RAB40B: variants seen among roughly 807,000 people sequenced by gnomAD.
RAB40B encodes RAB40B, member RAS oncogene family.
A neutral mutation model predicts 24.0 loss-of-function variants in RAB40B; 21 were observed. The ratio of observed to expected loss-of-function variants is 0.88; its 90% CI spans 0.62 to 1.26. RAB40B has a LOEUF of 1.26. Ranked by LOEUF, RAB40B falls within the 50% of genes most tolerant of loss-of-function variation. RAB40B has a pLI of 0.00. For missense variants in RAB40B, 348 were observed against 390.5 expected (o/e 0.89, Z 0.92); for synonymous variants, 167 against 169.8 (o/e 0.98, Z 0.13).
In RAB40B at chr17:82,656,286, G is replaced by A. The variant is rs909653119; in HGVS notation, c.*1577C>T. ...CTAAGAATCTACAGATCATCAGCAG[G>A]AACTAGGAACATCTGGGTATTTTCT... is the stretch of plus-strand genomic sequence containing the variant. On this transcript the variant is annotated 3_prime_UTR_variant, in exon 6 of 6. Transcript: ENST00000571995. The A allele has an allele frequency of 1.3e-5, 2 of 152,086 alleles. No individual in the cohort carries two copies. Among genetic ancestry groups the A allele is most frequent in the Admixed American group, 1.3e-4 (2 of 15,246 alleles). 9.4% of individuals were successfully genotyped at this position (152,086 alleles called of 1,614,324 possible). A position where few individuals can be genotyped will look rare whatever the true frequency, so the allele number is the denominator to read the frequency against.
In RAB40B at chr17:82,698,447, G is replaced by A. The variant is rs765210724; in HGVS notation, c.142+8C>T. ...CCGCACCCCGGCACGCCCTCCGCCCGCGCTCACCCGCCGGGTGGCCGTACG... is the reference window on the plus strand; with the variant it reads ...CCGCACCCCGGCACGCCCTCCGCCCACGCTCACCCGCCGGGTGGCCGTACG... On this transcript the variant is annotated splice_region_variant and intron_variant, in intron 1 of 5. Transcript: ENST00000571995. 8 of 1,369,900 alleles carry A rather than the reference G, an allele frequency of 5.8e-6. No individual in the cohort carries two copies. The South Asian group carries it at 1.1e-4, about 19-fold the overall frequency. 84.9% of individuals were successfully genotyped at this position (1,369,900 alleles called of 1,614,324 possible).
intron 2 of RAB40B, among the ~76,000 whole-genome samples, chr17:82,661,716 G>A (rs1275944266): frequency 6.6e-6 from 1 of 151,946 alleles, no homozygotes; most frequent in Non-Finnish European, 1.5e-5. Context: ...GTGAAACCCC[G>A]TCTCTACTAA....
intron 1 of RAB40B, among the ~76,000 whole-genome samples, chr17:82,698,038 C>T (rs961239984): frequency 6.6e-6 from 1 of 151,960 alleles, no homozygotes; most frequent in South Asian, 2.1e-4. Flanking sequence ...TCCTGCCCCG[C>T]GGCCGAACGC....
Position 82,698,686 on chromosome 17 carries a change from C to A in RAB40B, c.-90G>T. 3.9e-6 allele frequency: 4 copies of A among 1,027,612 alleles called. No homozygotes were observed. The highest frequency in any genetic ancestry group is 4.8e-6 in the Non-Finnish European group (4 of 828,918). The allele number at this position is 1,027,612 out of a possible 1,614,324, so 63.7% of individuals were successfully genotyped here. A position where few individuals can be genotyped will look rare whatever the true frequency, so the allele number is the denominator to read the frequency against. On this transcript the variant is annotated 5_prime_UTR_variant, in exon 1 of 6. Coordinates refer to ENST00000571995, the MANE Select transcript of RAB40B (RefSeq NM_006822.3). Reference sequence around the variant, plus strand: ...GCCCCGAGAGGCGCCGCGCGGGCCCCGAGTCCTTGCTCGCCTCCGGCCCCG... The same window carrying A: ...GCCCCGAGAGGCGCCGCGCGGGCCCAGAGTCCTTGCTCGCCTCCGGCCCCG...
chr17:82,680,202 C>T (rs1251062300), intron 1 of RAB40B, among the ~76,000 whole-genome samples: 1 of 152,188 alleles, frequency 6.6e-6, no homozygotes, highest in East Asian at 1.9e-4. Flanking sequence ...TCACGGAGGT[C>T]TCATGCAGCC....
chr17:82,663,500 G>T lies in RAB40B; in HGVS notation c.203+996C>A, dbSNP rs1234612544. Among the ~76,000 whole-genome samples the T allele has an allele frequency of 3.9e-5, 6 of 152,160 alleles. No individual in the cohort carries two copies. The highest frequency in any genetic ancestry group is 1.2e-4 in the African/African-American group (5 of 41,430). ...AAGCCAAGAGCGGGTGGAGGGAGAG[G>T]TGTTCCAAGCTGGCCCCAAGGTGGG... On this transcript the variant is annotated intron_variant, in intron 2 of 5. Coordinates refer to ENST00000571995, the MANE Select transcript of RAB40B (RefSeq NM_006822.3). The surrounding 1 kb of genome is among the most constrained non-coding windows in gnomAD (Gnocchi z 6.2).
chr17:82,660,491 A>G (rs932909756), intron 3 of RAB40B, among the ~76,000 whole-genome samples: 8 of 150,902 alleles, frequency 5.3e-5, no homozygotes, highest in African/African-American at 2.0e-4. Context: ...ACGTGTACAC[A>G]TACACGCACA....
chr17:82,687,970 G>A (rs2046518691), intron 1 of RAB40B, among the ~76,000 whole-genome samples: 1 of 152,116 alleles, frequency 6.6e-6, no homozygotes, highest in Non-Finnish European at 1.5e-5. Flanking sequence ...CAACTGGGGG[G>A]CTGAGGTGAG....
chr17:82,672,929 C>T (rs973913100), intron 1 of RAB40B, among the ~76,000 whole-genome samples: 9 of 152,052 alleles, frequency 5.9e-5, no homozygotes, highest in African/African-American at 1.2e-4. Context: ...TTGTACCAGG[C>T]GTGATGGTTC....
chr17:82,692,986 CTTCT>C lies in RAB40B; in HGVS notation c.142+5465_142+5468del, dbSNP rs995275364. Among the ~76,000 whole-genome samples, 1 of 151,966 alleles carries C rather than the reference CTTCT, an allele frequency of 6.6e-6. No individual in the cohort carries two copies. The highest frequency in any genetic ancestry group is 1.5e-5 in the Non-Finnish European group (1 of 67,960). ...ACAGACATAAGACTTGGGCATTTTT[CTTCT>C]TTCTGTTTCTATTTTTTTTCTTTTT... On this transcript the variant is annotated intron_variant, in intron 1 of 5. Coordinates refer to ENST00000571995, the MANE Select transcript of RAB40B (RefSeq NM_006822.3). The surrounding 1 kb of genome is among the most constrained non-coding windows in gnomAD (Gnocchi z 4.0).
intron 1 of RAB40B, among the ~76,000 whole-genome samples, chr17:82,686,945 A>G (rs2046508601): frequency 6.7e-6 from 1 of 150,144 alleles, no homozygotes; most frequent in Non-Finnish European, 1.5e-5. Flanking sequence ...GGTCAAGGGC[A>G]TGGAAGACCC....
chr17:82,678,549 T>G (rs901286733), intron 1 of RAB40B, among the ~76,000 whole-genome samples: 1 of 152,218 alleles, frequency 6.6e-6, no homozygotes, highest in African/African-American at 2.4e-5. Flanking sequence ...TTTTAGTAAG[T>G]GGCATAACCG....
In RAB40B at chr17:82,657,410, T is replaced by G; in HGVS notation, c.*453A>C. On this transcript the variant is annotated 3_prime_UTR_variant, in exon 6 of 6. Coordinates refer to ENST00000571995, the MANE Select transcript of RAB40B (RefSeq NM_006822.3). ...CTCTACATCTGCAGCGTTTTATAAA[T>G]TGGCGCTTTGACATTGAAAAGGAGG... 1 of 316,518 alleles carries G rather than the reference T, an allele frequency of 3.2e-6. No homozygotes were observed. The highest frequency in any genetic ancestry group is 6.1e-6 in the Non-Finnish European group (1 of 163,120). 19.6% of individuals were successfully genotyped at this position (316,518 alleles called of 1,614,324 possible).
In RAB40B at chr17:82,697,231, G is replaced by A. The variant is rs957945800; in HGVS notation, c.142+1224C>T. ...CCTGAGTCCCACCCCACGCTCCACA[G>A]TCTCAGGCCACCCCCTCCAGCCGTG... On this transcript the variant is annotated intron_variant, in intron 1 of 5. Transcript: ENST00000571995. This position sits in a 1 kb window ranked among gnomAD's most constrained non-coding sequence, Gnocchi z 4.9. Among the ~76,000 whole-genome samples, 3 of 152,226 alleles carry A rather than the reference G, an allele frequency of 2.0e-5. No homozygotes were observed. The South Asian group carries it at 6.2e-4, about 32-fold the overall frequency.
chr17:82,684,178 G>A (rs1405809063), intron 1 of RAB40B, among the ~76,000 whole-genome samples: 2 of 139,734 alleles, frequency 1.4e-5, no homozygotes, highest in South Asian at 2.3e-4. Flanking sequence ...CCAAGATTGC[G>A]CTTTTGCACT....
At chr17:82,676,449 C>G in intron 1 of RAB40B, among the ~76,000 whole-genome samples, 1 of 141,484 alleles carries the variant, frequency 7.1e-6, no homozygotes, top group South Asian at 2.5e-4. Context: ...CCCCCCCACA[C>G]AGGGCACCCC....
At chr17:82,660,798 C>T (rs574849549) in intron 3 of RAB40B, among the ~76,000 whole-genome samples, 189 bp downstream of exon 3, 4 of 152,370 alleles carry the variant, frequency 2.6e-5, no homozygotes, top group South Asian at 2.1e-4. Context: ...CGCTTACATC[C>T]GTAATACTGA....
At chr17:82,659,339 C>A (rs56058624) in intron 4 of RAB40B, 2 of 522,614 alleles carry the variant, frequency 3.8e-6, no homozygotes, top group Non-Finnish European at 6.9e-6. Flanking sequence ...AGCCGAGGTA[C>A]GCCGTGGACG....
chr17:82,695,277 C>G (rs2046597544), intron 1 of RAB40B, among the ~76,000 whole-genome samples: 2 of 151,034 alleles, frequency 1.3e-5, no homozygotes, highest in East Asian at 3.8e-4. Flanking sequence ...CTTCACCCTC[C>G]ACCTCCTGGG....
Sources: gnomAD v4.1 joint callset for allele counts (sites outside exome capture counted in the v4.1 genomes callset) on GRCh38, gnomAD v4.1.1 for gene constraint, Gnocchi (gnomAD v3.1) non-coding constraint, MANE v1.5 for transcripts, NCBI Gene and HGNC (gene_info 2026-07-23, HGNC 2026-07-21) for gene names.